ADGRB3: variants seen among roughly 807,000 people sequenced by gnomAD.
ADGRB3 encodes brain-specific angiogenesis inhibitor 3.
ADGRB3 carries 37 observed loss-of-function variants against 193.4 expected under a neutral mutation model. The observed-to-expected ratio is 0.19, with a 90% confidence interval of 0.15 to 0.25. ADGRB3 has a LOEUF of 0.25. Ranked by LOEUF, ADGRB3 falls within the 10% of genes least tolerant of loss-of-function variation. The probability of loss-of-function intolerance (pLI) is 1.00; values close to 1 mark genes in which losing one functional copy is unlikely to be tolerated. For synonymous variants in ADGRB3, 690 were observed against 644.2 expected (o/e 1.07, Z -1.08); for missense variants, 1,637 against 1,852.9 (o/e 0.88, Z 2.14).
At chr6:68,700,994 CTA>C (rs1285490844) in intron 3 of ADGRB3, among the ~76,000 whole-genome samples, 2 of 151,996 alleles carry the variant, frequency 1.3e-5, no homozygotes, top group Admixed American at 6.6e-5. Flanking sequence ...ATTTAAAAAA[CTA>C]TAAAAAAATT....
At chr6:69,041,420 A>G (rs1236185828) in intron 13 of ADGRB3, among the ~76,000 whole-genome samples, 2 of 152,138 alleles carry the variant, frequency 1.3e-5, no homozygotes, top group African/African-American at 2.4e-5. Context: ...ATAAGTGAGA[A>G]TTTTATTTCT....
At chr6:68,933,105 AAT>A (rs1387814406) in intron 4 of ADGRB3, among the ~76,000 whole-genome samples, 1 of 150,680 alleles carries the variant, frequency 6.6e-6, no homozygotes, top group African/African-American at 2.4e-5. Flanking sequence ...GATATCATAT[AAT>A]ATATATATTT....
At chr6:68,733,265 G>A (rs558896145) in intron 3 of ADGRB3, among the ~76,000 whole-genome samples, 284 of 148,158 alleles carry the variant, frequency 1.9e-3, no homozygotes, top group Middle Eastern at 7.1e-3. Flanking sequence ...ATAGGAATAT[G>A]TATATATTCC....
chr6:68,965,635 A>T (rs1236206421), intron 8 of ADGRB3, among the ~76,000 whole-genome samples: 2 of 152,150 alleles, frequency 1.3e-5, no homozygotes, highest in Admixed American at 1.3e-4. Flanking sequence ...ATCACTAGGT[A>T]ATTGCTACCT....
In ADGRB3 at chr6:68,639,194, T is replaced by C. The variant is rs775867696; in HGVS notation, c.519T>C (p.Thr173=). ...AGTTTGGTTGCCATGTATTATGTAC[T>C]TGGTTGGAGAGCTGCTTAAAATCAG... ...PSQFGCHVLC[T]WLESCLKSEN... is the part of the protein sequence containing the mutation. Residue 173 remains threonine, a synonymous_variant, in exon 3 of 32, where the codon ACT becomes ACC. Coordinates refer to ENST00000370598, the MANE Select transcript of ADGRB3 (RefSeq NM_001704.3). The C allele has an allele frequency of 6.2e-7, 1 of 1,614,158 alleles. No homozygotes were observed. Among genetic ancestry groups the C allele is most frequent in the Admixed American group, 1.7e-5 (1 of 60,022 alleles).
intron 3 of ADGRB3, among the ~76,000 whole-genome samples, chr6:68,647,707 C>T (rs559104899): frequency 2.6e-5 from 4 of 152,258 alleles, no homozygotes; most frequent in East Asian, 1.9e-4. Context: ...CATTGCTGAT[C>T]GGCAGCAAAG....
chr6:69,248,396 G>A (rs1362787480), intron 20 of ADGRB3, among the ~76,000 whole-genome samples: 1 of 152,146 alleles, frequency 6.6e-6, no homozygotes, highest in East Asian at 1.9e-4. Context: ...ATTTTCAATG[G>A]CCCATGATAT....
At chr6:68,713,212 G>A (rs1417431299) in intron 3 of ADGRB3, among the ~76,000 whole-genome samples, 1 of 151,844 alleles carries the variant, frequency 6.6e-6, no homozygotes, top group Non-Finnish European at 1.5e-5. Flanking sequence ...GAGATCAATG[G>A]ATTAGGCACT....
chr6:68,764,276 A>G (rs1766467410), intron 3 of ADGRB3, among the ~76,000 whole-genome samples: 2 of 152,152 alleles, frequency 1.3e-5, no homozygotes, highest in South Asian at 2.1e-4. Context: ...TACTGTTAGA[A>G]AAAAGAAATA....
In ADGRB3 at chr6:69,049,187, T is replaced by C. The variant is rs1290456265; in HGVS notation, c.2258-84T>C. ...TCTTTGCCTAAGGAAGTACTGGAAT[T>C]ATCTTGTAATTAGCAGATTAAAGTT... On this transcript the variant is annotated intron_variant, in intron 14 of 31. Transcript: ENST00000370598. 7 of 989,486 alleles carry C rather than the reference T, an allele frequency of 7.1e-6. No homozygotes were observed. In the East Asian group the frequency reaches 1.6e-4, roughly 22 times the overall value. The allele number at this position is 989,486 out of a possible 1,614,324, so 61.3% of individuals were successfully genotyped here. A position where few individuals can be genotyped will look rare whatever the true frequency, so the allele number is the denominator to read the frequency against.
At chr6:69,165,543 G>A (rs1775110745) in intron 17 of ADGRB3, among the ~76,000 whole-genome samples, 2 of 151,896 alleles carry the variant, frequency 1.3e-5, no homozygotes, top group South Asian at 4.1e-4. Flanking sequence ...TCTAATTGGT[G>A]AATCTTAATC....
intron 17 of ADGRB3, among the ~76,000 whole-genome samples, chr6:69,090,239 T>G (rs1772667378): frequency 6.6e-6 from 1 of 152,222 alleles, no homozygotes; most frequent in African/African-American, 2.4e-5. Flanking sequence ...TCCAAGAAAG[T>G]GCCTGGACTA....
At chr6:69,198,439 G>A (rs962242881) in intron 17 of ADGRB3, among the ~76,000 whole-genome samples, 1 of 152,074 alleles carries the variant, frequency 6.6e-6, no homozygotes, top group African/African-American at 2.4e-5. Context: ...AGAAAAAGTA[G>A]GGTGAAAAGA....
At chr6:68,897,876 G>T (rs1442876820) in intron 3 of ADGRB3, among the ~76,000 whole-genome samples, 2 of 146,852 alleles carry the variant, frequency 1.4e-5, no homozygotes, top group Non-Finnish European at 3.0e-5. Context: ...AAGAAAGAAA[G>T]AAAGAAAGAA....
intron 3 of ADGRB3, among the ~76,000 whole-genome samples, chr6:68,665,910 C>A (rs1311356724): frequency 5.9e-5 from 9 of 151,740 alleles, no homozygotes; most frequent in Non-Finnish European, 1.2e-4. Context: ...ATTTTGTAAT[C>A]CCAAGATTAG....
chr6:69,271,447 G>T (rs1767176116), intron 20 of ADGRB3, among the ~76,000 whole-genome samples: 1 of 152,034 alleles, frequency 6.6e-6, no homozygotes, highest in Non-Finnish European at 1.5e-5. Context: ...ATCCAATATT[G>T]ATACACCTAA....
At chr6:69,190,252 G>A (rs910356744) in intron 17 of ADGRB3, among the ~76,000 whole-genome samples, 4 of 152,114 alleles carry the variant, frequency 2.6e-5, no homozygotes, top group African/African-American at 9.7e-5. Flanking sequence ...CTGTAAGCGT[G>A]TTATTGTCCT....
intron 17 of ADGRB3, among the ~76,000 whole-genome samples, chr6:69,090,320 A>G (rs1269527228): frequency 2.0e-4 from 31 of 152,186 alleles, no homozygotes; most frequent in Admixed American, 1.9e-3. Context: ...ACTTGGCTGC[A>G]GTAAATTTGA....
chr6:68,749,111 T>G lies in ADGRB3; in HGVS notation c.757+109679T>G, dbSNP rs569478801. 3.9e-4 allele frequency among the ~76,000 whole-genome samples: 59 copies of G among 152,224 alleles called. No homozygotes were observed. In the South Asian group the frequency reaches 0.012, roughly 30 times the overall value. On this transcript the variant is annotated intron_variant, in intron 3 of 31. Transcript: ENST00000370598. Reference sequence around the variant, plus strand: ...CACTTTTTCCTCCTGGGCCTCTTGGTCTATGATGGGAGGGGCTGCCATGAA... The same window carrying G: ...CACTTTTTCCTCCTGGGCCTCTTGGGCTATGATGGGAGGGGCTGCCATGAA...
Sources: gnomAD v4.1 joint callset for allele counts (sites outside exome capture counted in the v4.1 genomes callset) on GRCh38, gnomAD v4.1.1 for gene constraint, MANE v1.5 for transcripts, NCBI Gene and HGNC (gene_info 2026-07-23, HGNC 2026-07-21) for gene names.